GRM8: variants seen among roughly 807,000 people sequenced by gnomAD.
GRM8 encodes the protein glutamate metabotropic receptor 8.
In GRM8, 47 loss-of-function variants were observed where a neutral mutation model predicts 87.2. The ratio of observed to expected loss-of-function variants is 0.54; its 90% confidence interval spans 0.43 to 0.69. The LOEUF is 0.69. Among genes scored for constraint, GRM8 ranks in the 30% least tolerant of loss-of-function variants. GRM8 has a pLI of 0.00. For missense variants in GRM8, 1,019 were observed against 1,139.2 expected, an observed-to-expected ratio of 0.89 and a Z score of 1.52; for synonymous variants, 396 against 404.5, an observed-to-expected ratio of 0.98 and a Z score of 0.25.
intron 9 of GRM8, among the ~76,000 whole-genome samples, chr7:126,460,176 T>C (rs776787691): frequency 6.6e-6 from 1 of 151,570 alleles, no homozygotes; most frequent in East Asian, 2.0e-4. Context: ...TCATGTCTGA[T>C]GTAGATATAT....
intron 7 of GRM8, among the ~76,000 whole-genome samples, chr7:126,706,950 A>G (rs965916840): frequency 8.5e-5 from 13 of 152,180 alleles, no homozygotes; most frequent in South Asian, 2.1e-4. Flanking sequence ...CCTCATGCCT[A>G]CCTGGCCACC....
chr7:126,982,848 A>G (rs970470331), intron 3 of GRM8, among the ~76,000 whole-genome samples: 1 of 152,112 alleles, frequency 6.6e-6, no homozygotes, highest in South Asian at 2.1e-4. Context: ...GAGTGACCCA[A>G]ACCTTCATTC....
At chr7:126,869,498 T>A (rs1002980678) in intron 6 of GRM8, 1 of 152,210 alleles carries the variant, frequency 6.6e-6, no homozygotes, top group East Asian at 1.9e-4. Context: ...AATATACTTT[T>A]GTAATAATCA....
chr7:126,661,107 G>T (rs527450890), intron 7 of GRM8, among the ~76,000 whole-genome samples: 1 of 152,088 alleles, frequency 6.6e-6, no homozygotes, highest in Non-Finnish European at 1.5e-5. Context: ...GCACAACAGG[G>T]TGACTATAGT....
chr7:127,068,265 C>T (rs1345437261), intron 3 of GRM8, among the ~76,000 whole-genome samples: 1 of 152,078 alleles, frequency 6.6e-6, no homozygotes, highest in Non-Finnish European at 1.5e-5. Context: ...GCCAGCATTC[C>T]AAATTCAATT....
intron 3 of GRM8, among the ~76,000 whole-genome samples, chr7:126,905,945 G>T (rs1320301041): frequency 1.3e-5 from 2 of 152,194 alleles, no homozygotes; most frequent in African/African-American, 4.8e-5. Context: ...GACTGGCTGG[G>T]TTTGAAGTTG....
chr7:126,631,118 T>C (rs1801210627), intron 7 of GRM8, among the ~76,000 whole-genome samples: 1 of 152,184 alleles, frequency 6.6e-6, no homozygotes, highest in South Asian at 2.1e-4. Context: ...GACATGATCC[T>C]ATATCTAGCA....
At chr7:126,683,155 C>G (rs1807797364) in intron 7 of GRM8, among the ~76,000 whole-genome samples, 1 of 152,214 alleles carries the variant, frequency 6.6e-6, no homozygotes, top group African/African-American at 2.4e-5. Flanking sequence ...GGCAGGGAAA[C>G]CTGCGCAAGT....
chr7:126,440,364 T>G (rs1193887463), intron 10 of GRM8, among the ~76,000 whole-genome samples: 1 of 134,442 alleles, frequency 7.4e-6, no homozygotes, highest in Non-Finnish European at 1.5e-5. Flanking sequence ...TGAGCCGAGA[T>G]CGCGCCACTG....
chr7:127,015,222 AG>A lies in GRM8; in HGVS notation c.727+91273del, dbSNP rs1303998900. 3.0e-4 allele frequency among the ~76,000 whole-genome samples: 42 copies of A among 139,484 alleles called. 1 individual carries two copies. Among genetic ancestry groups the A allele is most frequent in the African/African-American group, 8.6e-4 (31 of 36,028 alleles). 91.5% of individuals were successfully genotyped at this position (139,484 alleles called of 152,430 possible). A position where few individuals can be genotyped will look rare whatever the true frequency, so the allele number is the denominator to read the frequency against. ...AAGAAGAAGAAGAAGAAGAAGAAGA[AG>A]AAGAAGAAGAAGAAGAAGAAGAAGA... On this transcript the variant is annotated intron_variant, in intron 3 of 10. Transcript: ENST00000339582.
intron 2 of GRM8, among the ~76,000 whole-genome samples, chr7:127,222,536 T>G (rs748713821): frequency 2.0e-5 from 3 of 151,808 alleles, no homozygotes; most frequent in Non-Finnish European, 4.4e-5. Flanking sequence ...TAAAAAGGTT[T>G]GTCACTCTGG....
rs916259584 is a variant in GRM8, at chr7:126,759,584, CCT to C, written c.1357+10279_1357+10280del. ...AAGGACCTGGCACTGCTGAAAATAC[CCT>C]GTTGGTTGGTGCTGTGGCAGAAGCA... On this transcript the variant is annotated intron_variant, in intron 7 of 10. Coordinates refer to ENST00000339582, the MANE Select transcript of GRM8 (RefSeq NM_000845.3). Among the ~76,000 whole-genome samples the C allele has an allele frequency of 6.3e-4, 96 of 152,226 alleles. 1 individual carries two copies. Among genetic ancestry groups the C allele is most frequent in the African/African-American group, 2.0e-3 (84 of 41,560 alleles).
At chr7:127,034,880 A>T (rs1817707236) in intron 3 of GRM8, among the ~76,000 whole-genome samples, 1 of 152,148 alleles carries the variant, frequency 6.6e-6, no homozygotes, top group Non-Finnish European at 1.5e-5. Flanking sequence ...AAAACTCTGA[A>T]CTTTCACTCA....
At chr7:127,075,078 T>C (rs1174991761) in intron 3 of GRM8, among the ~76,000 whole-genome samples, 5 of 152,196 alleles carry the variant, frequency 3.3e-5, no homozygotes, top group African/African-American at 9.6e-5. Context: ...GGAGTCTTAC[T>C]CATTTTGTAT....
chr7:126,828,334 T>C (rs1795022573), intron 6 of GRM8, among the ~76,000 whole-genome samples: 1 of 152,166 alleles, frequency 6.6e-6, no homozygotes, highest in Non-Finnish European at 1.5e-5. Context: ...TGTGAATCCA[T>C]CTGGTCCTGG....
Position 126,647,356 on chromosome 7 carries a change from T to C in GRM8, c.1358-37858A>G, listed in dbSNP as rs1585357896. ...ATAGATAGATAGATATAGATATAGA[T>C]AGATATAAATAGATATATAAATATA... On this transcript the variant is annotated intron_variant, in intron 7 of 10. Transcript: ENST00000339582. Among the ~76,000 whole-genome samples, 6 of 150,510 alleles carry C rather than the reference T, an allele frequency of 4.0e-5. No individual in the cohort carries two copies. The South Asian group carries it at 1.3e-3, about 31-fold the overall frequency.
chr7:126,549,764 C>T (rs189448240), intron 8 of GRM8, among the ~76,000 whole-genome samples: 9 of 152,110 alleles, frequency 5.9e-5, no homozygotes, highest in Admixed American at 3.3e-4. Context: ...GGAAAAATTA[C>T]CTGAATATGT....
rs1272023074 is a variant in GRM8, at chr7:126,505,250, A to T, written c.2430+27702T>A. 3.3e-5 allele frequency among the ~76,000 whole-genome samples: 5 copies of T among 152,108 alleles called. No homozygotes were observed. The East Asian group carries it at 9.7e-4, about 29-fold the overall frequency. On this transcript the variant is annotated intron_variant, in intron 9 of 10. Coordinates refer to ENST00000339582, the MANE Select transcript of GRM8 (RefSeq NM_000845.3). The stretch of plus-strand genomic sequence containing the variant: ...TTTAGTGTCTTAATTCTGTAGGCTT[A>T]TAATAAATCTAACCACTAATTAACA...
chr7:126,718,442 A>C (rs1812005059), intron 7 of GRM8, among the ~76,000 whole-genome samples: 1 of 152,070 alleles, frequency 6.6e-6, no homozygotes. Context: ...CTGAAATTTC[A>C]TATCCTGGGG....
Sources: gnomAD v4.1 joint callset for allele counts (sites outside exome capture counted in the v4.1 genomes callset) on GRCh38, gnomAD v4.1.1 for gene constraint, MANE v1.5 for transcripts, NCBI Gene and HGNC (gene_info 2026-07-23, HGNC 2026-07-21) for gene names.